TMEM244: variants seen among roughly 807,000 people sequenced by gnomAD.
The protein encoded by TMEM244 is transmembrane protein 244, also known as putative transmembrane protein 244.
A neutral mutation model predicts 15.8 loss-of-function variants in TMEM244; 13 were observed. The observed-to-expected ratio is 0.82, with a 90% CI of 0.53 to 1.30. The LOEUF (loss-of-function observed/expected upper bound fraction) is 1.30, where lower values mean the gene tolerates loss of function less well. TMEM244 is among the 50% of genes most tolerant of loss of function. The probability of loss-of-function intolerance (pLI) is 0.00; values close to 1 mark genes in which losing one functional copy is unlikely to be tolerated. For synonymous variants in TMEM244, 45 were observed against 48.7 expected, an observed-to-expected ratio of 0.92 and a Z score of 0.32; for missense variants, 161 against 144.9, an observed-to-expected ratio of 1.11 and a Z score of -0.57.
chr6:129,853,612 G>T (rs1284835147), intron 1 of TMEM244, among the ~76,000 whole-genome samples: 1 of 151,850 alleles, frequency 6.6e-6, no homozygotes, highest in Non-Finnish European at 1.5e-5. Context: ...CATCTTTTTT[G>T]ATCAAAATAT....
At chr6:129,839,965 G>C (rs1233862657) in intron 3 of TMEM244, among the ~76,000 whole-genome samples, 1 of 152,142 alleles carries the variant, frequency 6.6e-6, no homozygotes, top group Non-Finnish European at 1.5e-5. Context: ...CCATGCTCAT[G>C]AATAGGAAGA....
chr6:129,852,645 C>T (rs1233279820), intron 1 of TMEM244, among the ~76,000 whole-genome samples: 1 of 152,142 alleles, frequency 6.6e-6, no homozygotes, highest in Non-Finnish European at 1.5e-5. Flanking sequence ...TGTACAAGGG[C>T]AATGAAGAGG....
At chr6:129,838,134 A>G (rs1332455545) in intron 3 of TMEM244, among the ~76,000 whole-genome samples, 2 of 152,228 alleles carry the variant, frequency 1.3e-5, no homozygotes, top group African/African-American at 4.8e-5. Flanking sequence ...TCTCAGCACC[A>G]CATCGCACTT....
At chr6:129,837,894 C>T (rs1381803186) in intron 3 of TMEM244, among the ~76,000 whole-genome samples, 2 of 152,178 alleles carry the variant, frequency 1.3e-5, no homozygotes, top group Non-Finnish European at 2.9e-5. Flanking sequence ...TATATGCACA[C>T]AATATAGGAG....
chr6:129,841,998 G>T (rs1025744932), intron 3 of TMEM244, among the ~76,000 whole-genome samples: 6 of 152,106 alleles, frequency 3.9e-5, no homozygotes, highest in African/African-American at 1.4e-4. Flanking sequence ...ATACGCTAAG[G>T]TTTTATTGAT....
In TMEM244 at chr6:129,850,691, ATATT is replaced by A. The variant is rs201062766; in HGVS notation, c.34-4843_34-4840del. ...TTTTGAAAGAGTAAAATTAATTCTAATATTTATTTAACACAATATATCCAACATA... is the reference window on the plus strand; with the variant it reads ...TTTTGAAAGAGTAAAATTAATTCTAATATTTAACACAATATATCCAACATA... On this transcript the variant is annotated intron_variant, in intron 1 of 4. Transcript: ENST00000368143. 8.1e-3 allele frequency among the ~76,000 whole-genome samples: 1,229 copies of A among 152,352 alleles called. 8 individuals are homozygous for A. Among genetic ancestry groups the A allele is most frequent in the Admixed American group, 0.014 (213 of 15,296 alleles).
rs556001475 is a variant in TMEM244 at position 129,833,989 on chromosome 6, A to G, written c.194-404T>C. On this transcript the variant is annotated intron_variant, in intron 3 of 4. Transcript: ENST00000368143. ...GAAAAAAAATTAAACCAAATGTAAG[A>G]GTTTATTGAACTACAACGTTTGTCT... 1.3e-4 allele frequency among the ~76,000 whole-genome samples: 20 copies of G among 152,360 alleles called. No homozygotes were observed. In the South Asian group the frequency reaches 3.9e-3, roughly 30 times the overall value.
intron 1 of TMEM244, among the ~76,000 whole-genome samples, chr6:129,856,327 T>C (rs1463140755): frequency 6.6e-6 from 1 of 152,216 alleles, no homozygotes; most frequent in East Asian, 1.9e-4. Flanking sequence ...TTTGTGAGCT[T>C]TCTATTTGCT....
At chr6:129,844,546 T>C (rs9321191) in intron 2 of TMEM244, among the ~76,000 whole-genome samples, 34,440 of 152,182 alleles carry the variant, frequency 0.23, 4,121 homozygotes, top group African/African-American at 0.29. Context: ...CTGGACTTTA[T>C]ATTATACCCA....
chr6:129,843,990 T>C (rs540527298), intron 2 of TMEM244, among the ~76,000 whole-genome samples: 1 of 152,344 alleles, frequency 6.6e-6, no homozygotes, highest in South Asian at 2.1e-4. Context: ...TAAATGGTGC[T>C]ATAACATATT....
chr6:129,853,527 A>T (rs1372004164), intron 1 of TMEM244, among the ~76,000 whole-genome samples: 1 of 152,036 alleles, frequency 6.6e-6, no homozygotes, highest in Non-Finnish European at 1.5e-5. Context: ...AATTGTGCAC[A>T]TTTATGATGT....
At chr6:129,856,801 A>C (rs1352156802) in intron 1 of TMEM244, among the ~76,000 whole-genome samples, 2 of 152,000 alleles carry the variant, frequency 1.3e-5, no homozygotes, top group Non-Finnish European at 2.9e-5. Context: ...ATTTTTATTG[A>C]GATTATGCCA....
intron 3 of TMEM244, among the ~76,000 whole-genome samples, chr6:129,837,648 A>T (rs1053871629): frequency 2.0e-4 from 30 of 152,250 alleles, no homozygotes; most frequent in African/African-American, 3.1e-4. Flanking sequence ...TAAAGAGTCA[A>T]GATCCATCAG....
In TMEM244 at chr6:129,839,366, C is replaced by T. The variant is rs577119891; in HGVS notation, c.193+4164G>A. On this transcript the variant is annotated intron_variant, in intron 3 of 4. Coordinates refer to ENST00000368143, the MANE Select transcript of TMEM244 (RefSeq NM_001010876.2). ...CAATAGATGCAGAAAAGGCCTTCAACAAAATTCAATAGCCCTTCATGCTAA... is the reference window on the plus strand; with the variant it reads ...CAATAGATGCAGAAAAGGCCTTCAATAAAATTCAATAGCCCTTCATGCTAA... 2.0e-5 allele frequency among the ~76,000 whole-genome samples: 3 copies of T among 152,214 alleles called. No individual in the cohort carries two copies. The South Asian group carries it at 6.2e-4, about 32-fold the overall frequency.
chr6:129,835,400 CT>C (rs1776389355), intron 3 of TMEM244, among the ~76,000 whole-genome samples: 1 of 130,348 alleles, frequency 7.7e-6, no homozygotes, highest in African/African-American at 3.1e-5. Context: ...GAATCTCTGT[CT>C]CTTAAAAAAA....
chr6:129,853,213 C>T (rs1776658651), intron 1 of TMEM244, among the ~76,000 whole-genome samples: 2 of 152,118 alleles, frequency 1.3e-5, no homozygotes, highest in African/African-American at 4.8e-5. Flanking sequence ...TTTGGTGCTC[C>T]AGCCATACTT....
At chr6:129,843,901 C>A (rs185392100) in intron 2 of TMEM244, among the ~76,000 whole-genome samples, 134 of 152,246 alleles carry the variant, frequency 8.8e-4, no homozygotes, top group African/African-American at 3.2e-3. Context: ...TAACAAGGGA[C>A]AAGGCAACGT....
At chr6:129,855,287 A>G (rs1201384094) in intron 1 of TMEM244, among the ~76,000 whole-genome samples, 3 of 152,238 alleles carry the variant, frequency 2.0e-5, no homozygotes, top group Non-Finnish European at 4.4e-5. Context: ...TCTTTTTTTA[A>G]AAATGAATTA....
At chr6:129,836,276 A>T (rs1776405472) in intron 3 of TMEM244, among the ~76,000 whole-genome samples, 1 of 152,184 alleles carries the variant, frequency 6.6e-6, no homozygotes, top group Non-Finnish European at 1.5e-5. Context: ...CTAGGCAAAC[A>T]GGGTCTGGAG....
Sources: allele counts gnomAD v4.1 joint callset (sites outside exome capture counted in the v4.1 genomes callset), GRCh38; gene constraint gnomAD v4.1.1; transcripts MANE v1.5; gene names NCBI Gene and HGNC (gene_info 2026-07-23, HGNC 2026-07-21).